The following LMO7 variants were observed in gnomAD, a reference collection of about 807,000 sequenced individuals.
LMO7 encodes LIM domain 7.
In LMO7, 120 loss-of-function variants were observed where a neutral mutation model predicts 206.5. The ratio of observed to expected loss-of-function variants is 0.58; its 90% CI spans 0.50 to 0.68. The LOEUF (loss-of-function observed/expected upper bound fraction) is 0.68. LMO7 is among the 30% of genes least tolerant of loss of function. LMO7 has a pLI of 0.00. For missense variants in LMO7, 1,959 were observed against 1,957.9 expected (o/e 1.00, Z -0.01); for synonymous variants, 706 against 681.5 (o/e 1.04, Z -0.56).
chr13:75,752,603 CTG>C (rs2047363121), intron 3 of LMO7, among the ~76,000 whole-genome samples: 1 of 152,172 alleles, frequency 6.6e-6, no homozygotes, highest in African/African-American at 2.4e-5. Flanking sequence ...CCCCACAATG[CTG>C]TGAGTCCCCA....
intron 2 of LMO7, among the ~76,000 whole-genome samples, chr13:75,724,466 T>C (rs1164443952): frequency 3.9e-5 from 6 of 152,180 alleles, no homozygotes; most frequent in Admixed American, 3.9e-4. Context: ...TTATGTTATC[T>C]GAATCTTGAA....
At chr13:75,702,055 C>T (rs922861309) in intron 1 of LMO7, among the ~76,000 whole-genome samples, 2 of 151,650 alleles carry the variant, frequency 1.3e-5, no homozygotes, top group Non-Finnish European at 2.9e-5. Context: ...TGGCTATGGT[C>T]TAGGGAAGTG....
chr13:75,630,391 A>G (rs2328958), intron 2 of LMO7, among the ~76,000 whole-genome samples: 144,653 of 152,320 alleles, frequency 0.95, 69,129 homozygotes, highest in East Asian at 1. Flanking sequence ...CACTGTTGGC[A>G]GCTGGGCACA....
chr13:75,848,848 T>C lies in LMO7; in HGVS notation c.4151-231T>C, dbSNP rs184738264. ...GGAAGCTACACACTGATTTCCATAG[T>C]GGTTGTACTAGTTTACATTCCCACC... On this transcript the variant is annotated intron_variant, in intron 26 of 30. Transcript: ENST00000377534. 506 of 445,930 alleles carry C rather than the reference T, an allele frequency of 1.1e-3. 8 individuals carry two copies. The Admixed American group carries it at 0.015, about 13-fold the overall frequency. The allele number at this position is 445,930 out of a possible 1,614,324, so 27.6% of individuals were successfully genotyped here. A position where few individuals can be genotyped will look rare whatever the true frequency, so the allele number is the denominator to read the frequency against.
At chr13:75,749,097 A>C (rs2047082941) in intron 3 of LMO7, among the ~76,000 whole-genome samples, 1 of 152,142 alleles carries the variant, frequency 6.6e-6, no homozygotes. Context: ...AATCAGCCTC[A>C]TAAAACAGTG....
At chr13:75,660,788 T>G (rs955848507) in intron 1 of LMO7, among the ~76,000 whole-genome samples, 1 of 152,160 alleles carries the variant, frequency 6.6e-6, no homozygotes, top group Non-Finnish European at 1.5e-5. Context: ...TGTTTTCCGT[T>G]TTTAGAAACC....
At chr13:75,778,953 C>A (rs1228433723) in intron 4 of LMO7, among the ~76,000 whole-genome samples, 1 of 152,126 alleles carries the variant, frequency 6.6e-6, no homozygotes, top group Non-Finnish European at 1.5e-5. Context: ...TAAGGCAAGA[C>A]TGGAGGCTGG....
chr13:75,840,236 G>T, intron 21 of LMO7, 126 bp downstream of exon 21: 1 of 1,382,606 alleles, frequency 7.2e-7, no homozygotes, highest in Non-Finnish European at 1.0e-6. Flanking sequence ...CTTCCAAGTT[G>T]AAAAACTTAT....
chr13:75,841,983 G>A lies in LMO7; in HGVS notation c.4031G>A (p.Arg1344Lys). 1.2e-6 allele frequency: 2 copies of A among 1,605,010 alleles called. No individual in the cohort carries two copies. The highest frequency in any genetic ancestry group is 1.7e-6 in the Non-Finnish European group (2 of 1,174,986). The stretch of plus-strand genomic sequence containing the variant: ...TCAGTCAGAATATACCAGTACAGGA[G>A]GTATGTCCCCACAGCCAGAGGGTAC... The part of the protein sequence containing the change: ...ETSVRIYQYR[R>K]PVDSYDIPKT... The change falls in exon 24 of 31, where the codon AGG becomes AAG. Residue 1344 changes from arginine to lysine, a missense_variant and splice_region_variant. By Grantham distance (26) the Arg-to-Lys change is conservative. Coordinates refer to ENST00000377534, the MANE Select transcript of LMO7 (RefSeq NM_001306080.2).
chr13:75,787,012 T>TA (rs1293198001), intron 4 of LMO7, among the ~76,000 whole-genome samples: 6 of 152,224 alleles, frequency 3.9e-5, no homozygotes, highest in African/African-American at 1.4e-4. Flanking sequence ...TCCTACTTTA[T>TA]ACTTAATTAT....
chr13:75,683,082 A>C (rs1482542845), intron 1 of LMO7, among the ~76,000 whole-genome samples: 4 of 135,824 alleles, frequency 2.9e-5, no homozygotes, highest in Non-Finnish European at 4.6e-5. Context: ...TTTTTTTGAG[A>C]TGGAGTTCTG....
chr13:75,723,863 A>G (rs970787874), intron 2 of LMO7, among the ~76,000 whole-genome samples: 2 of 152,126 alleles, frequency 1.3e-5, no homozygotes, highest in Admixed American at 1.3e-4. Context: ...AACAATAGAA[A>G]TTGATTTATC....
intron 4 of LMO7, among the ~76,000 whole-genome samples, chr13:75,775,596 C>G (rs1237076618): frequency 6.6e-6 from 1 of 151,924 alleles, no homozygotes; most frequent in South Asian, 2.1e-4. Flanking sequence ...CCAGAATCTA[C>G]AAGGAACTCA....
At chr13:75,752,564 C>T (rs75048792) in intron 3 of LMO7, among the ~76,000 whole-genome samples, 3,072 of 152,290 alleles carry the variant, frequency 0.02, 63 homozygotes, top group South Asian at 0.038. Context: ...ATCCACCAAG[C>T]GGCCTCCCAT....
intron 29 of LMO7, among the ~76,000 whole-genome samples, chr13:75,856,117 A>G (rs1216934245): frequency 1.3e-5 from 2 of 152,204 alleles, no homozygotes; most frequent in African/African-American, 2.4e-5. Context: ...CAGCAGGGAC[A>G]CTGGGAGCGG....
At chr13:75,699,113 T>A (rs934363920) in intron 1 of LMO7, among the ~76,000 whole-genome samples, 1 of 152,176 alleles carries the variant, frequency 6.6e-6, no homozygotes, top group Non-Finnish European at 1.5e-5. Context: ...GATTTATTTA[T>A]GTGATGGCAT....
intron 15 of LMO7, among the ~76,000 whole-genome samples, chr13:75,825,249 CAT>C (rs1474512082): frequency 6.6e-6 from 1 of 152,148 alleles, no homozygotes; most frequent in Non-Finnish European, 1.5e-5. Context: ...ACTTGGGCAA[CAT>C]AAGGTACCAG....
chr13:75,727,177 TCTGCAATTACCA>T lies in LMO7; in HGVS notation c.210+83_210+94del, dbSNP rs542786291. ...AGGTGGGCATAGGCAGATTTTTGTATCTGCAATTACCACTGAAATTAGGTTATGGTTTTTTTG... is the reference window on the plus strand; with the variant it reads ...AGGTGGGCATAGGCAGATTTTTGTATCTGAAATTAGGTTATGGTTTTTTTG... On this transcript the variant is annotated intron_variant, in intron 3 of 30. Coordinates refer to ENST00000377534, the MANE Select transcript of LMO7 (RefSeq NM_001306080.2). 4.4e-4 allele frequency: 363 copies of T among 832,480 alleles called. 1 individual carries two copies. The East Asian group carries it at 8.6e-3, about 20-fold the overall frequency. The allele number at this position is 832,480 out of a possible 1,614,324, so 51.6% of individuals were successfully genotyped here.
intron 2 of LMO7, among the ~76,000 whole-genome samples, chr13:75,623,953 C>A (rs1019122226): frequency 1.3e-5 from 2 of 152,080 alleles, no homozygotes; most frequent in Non-Finnish European, 2.9e-5. Context: ...AAATATTCAA[C>A]CTTTTGGAGT....
Sources: gnomAD v4.1 joint callset for allele counts (sites outside exome capture counted in the v4.1 genomes callset) on GRCh38, gnomAD v4.1.1 for gene constraint, MANE v1.5 for transcripts, NCBI Gene and HGNC (gene_info 2026-07-23, HGNC 2026-07-21) for gene names.